The following ANKRD27 variants were observed in gnomAD, a reference collection of about 807,000 sequenced individuals.
The protein encoded by ANKRD27 is ankyrin repeat domain-containing protein 27.
Under a neutral mutation model 129.7 loss-of-function variants are expected in ANKRD27, and 112 were observed. That is an observed-to-expected ratio of 0.86 (90% CI 0.74 to 1.01). ANKRD27 has a LOEUF of 1.01. Ranked by LOEUF, ANKRD27 falls within the 50% of genes least tolerant of loss-of-function variation. ANKRD27 has a pLI of 0.00. For synonymous variants in ANKRD27, 516 were observed against 511.2 expected, an observed-to-expected ratio of 1.01 and a Z score of -0.13; for missense variants, 1,258 against 1,300.5, an observed-to-expected ratio of 0.97 and a Z score of 0.50.
intron 2 of ANKRD27, among the ~76,000 whole-genome samples, chr19:32,656,239 T>G (rs1213076939): frequency 6.6e-6 from 1 of 151,996 alleles, no homozygotes; most frequent in African/African-American, 2.4e-5. Context: ...TATGCCACAG[T>G]GTGACAGTTC....
chr19:32,648,533 G>A (rs1426748737), intron 3 of ANKRD27, among the ~76,000 whole-genome samples: 1 of 152,264 alleles, frequency 6.6e-6, no homozygotes, highest in Non-Finnish European at 1.5e-5. Flanking sequence ...AGGCGCGGTG[G>A]CGCACGCCTG....
In ANKRD27 at chr19:32,646,212, G is replaced by A. The variant is rs578212604; in HGVS notation, c.370+247C>T. Among the ~76,000 whole-genome samples, 38 of 152,230 alleles carry A rather than the reference G, an allele frequency of 2.5e-4. 1 individual carries two copies. The highest frequency in any genetic ancestry group is 1.7e-3 in the South Asian group (8 of 4,826). On this transcript the variant is annotated intron_variant, in intron 4 of 28. Coordinates refer to ENST00000306065, the MANE Select transcript of ANKRD27 (RefSeq NM_032139.3). ...CTCCCAAAGTGCTGGGATTACAGGC[G>A]TGAGCCACTGCGCCCGGCTTGATTT... is the stretch of plus-strand genomic sequence containing the variant.
chr19:32,611,607 G>A (rs892346593), intron 22 of ANKRD27, among the ~76,000 whole-genome samples: 22 of 152,220 alleles, frequency 1.4e-4, no homozygotes, highest in Middle Eastern at 3.4e-3. Flanking sequence ...TTGAGATGGA[G>A]TTTCACTCTT....
intron 1 of ANKRD27, among the ~76,000 whole-genome samples, chr19:32,665,767 T>C (rs1215145515): frequency 6.6e-6 from 1 of 151,224 alleles, no homozygotes; most frequent in Non-Finnish European, 1.5e-5. Flanking sequence ...CCTGCCGTTT[T>C]TTTTGTTTTT....
chr19:32,624,215 A>G (rs566031038), intron 17 of ANKRD27, among the ~76,000 whole-genome samples: 5 of 152,130 alleles, frequency 3.3e-5, no homozygotes, highest in African/African-American at 1.2e-4. Context: ...AAAAATACAA[A>G]AATTAGCTGG....
intron 26 of ANKRD27, among the ~76,000 whole-genome samples, chr19:32,601,262 C>T (rs1247110131): frequency 6.6e-6 from 1 of 151,640 alleles, no homozygotes; most frequent in East Asian, 1.9e-4. Flanking sequence ...TGCACCACTG[C>T]GCTCCAGCCT....
chr19:32,641,134 C>T (rs1967192830), intron 10 of ANKRD27, among the ~76,000 whole-genome samples: 1 of 151,844 alleles, frequency 6.6e-6, no homozygotes. Context: ...ATCTCCTGAC[C>T]TCGTGATCTG....
intron 3 of ANKRD27, 140 bp from the exon 4 acceptor site, chr19:32,646,755 G>A: frequency 6.0e-6 from 5 of 831,902 alleles, no homozygotes; most frequent in Admixed American, 2.9e-5. Context: ...ATACTCTCCT[G>A]TTTTGCTCAT....
At chr19:32,669,800 C>G (rs1967831167) in intron 1 of ANKRD27, among the ~76,000 whole-genome samples, 1 of 152,004 alleles carries the variant, frequency 6.6e-6, no homozygotes. Context: ...AGTTCAAGAC[C>G]ACCCTGGCCA....
chr19:32,615,267 C>T (rs980458500), intron 22 of ANKRD27, among the ~76,000 whole-genome samples: 2 of 152,128 alleles, frequency 1.3e-5, no homozygotes, highest in African/African-American at 2.4e-5. Context: ...GCTGAGAAAT[C>T]GAGAACTTTC....
At position 32,673,412 on chromosome 19, in the gene ANKRD27, C is replaced by T. The variant is rs1217725085; in HGVS notation, c.-31+1659G>A. 17 of 985,204 alleles carry T rather than the reference C, an allele frequency of 1.7e-5. No homozygotes were observed. In the Admixed American group the frequency reaches 2.5e-4, roughly 14 times the overall value. The allele number at this position is 985,204 out of a possible 1,614,324, so 61.0% of individuals were successfully genotyped here. A position where few individuals can be genotyped will look rare whatever the true frequency, so the allele number is the denominator to read the frequency against. On this transcript the variant is annotated intron_variant, in intron 1 of 28. Transcript: ENST00000306065. ...CCTGTCCACCAGCAACACAACAAAG[C>T]GATCTTTCCAGCGCCGAGCTCTGCA...
At chr19:32,619,223 G>A in intron 20 of ANKRD27, 37 bp downstream of exon 20, 2 of 1,595,924 alleles carry the variant, frequency 1.3e-6, no homozygotes, top group East Asian at 4.5e-5. Flanking sequence ...GGGCCGCCAA[G>A]GCCTCCCCTC....
intron 22 of ANKRD27, chr19:32,608,518 A>C (rs1274453907): frequency 3.2e-5 from 7 of 221,446 alleles, no homozygotes; most frequent in African/African-American, 1.1e-4. Flanking sequence ...AAAAAAAAAA[A>C]CTGTATGCTA....
chr19:32,604,510 A>G, intron 24 of ANKRD27, 86 bp from the exon 25 acceptor site: 1 of 1,303,760 alleles, frequency 7.7e-7, no homozygotes, highest in Non-Finnish European at 1.0e-6. Flanking sequence ...ATTCGCTATA[A>G]AACACATTGT....
intron 17 of ANKRD27, among the ~76,000 whole-genome samples, chr19:32,624,788 A>G (rs1401860983): frequency 6.6e-6 from 1 of 151,838 alleles, no homozygotes; most frequent in Non-Finnish European, 1.5e-5. Context: ...AAAAATATAA[A>G]AATTAGCCAG....
chr19:32,631,730 A>G (rs1180121637), intron 12 of ANKRD27, among the ~76,000 whole-genome samples: 1 of 152,088 alleles, frequency 6.6e-6, no homozygotes, highest in Admixed American at 6.6e-5. Flanking sequence ...TGGTGGCGGC[A>G]CCCTGACTGC....
rs1967731253 is a variant in ANKRD27 at position 32,665,357 on chromosome 19, T to C, written c.-30-6312A>G. Among the ~76,000 whole-genome samples the C allele has an allele frequency of 2.7e-5, 4 of 150,802 alleles. No individual in the cohort carries two copies. In the South Asian group the frequency reaches 8.4e-4, roughly 32 times the overall value. On this transcript the variant is annotated intron_variant, in intron 1 of 28. Transcript: ENST00000306065. ...CACACTAAAGTGCAGTGGCACAATC[T>C]CAGCTCACTGCAACCTTTGCCTCCC...
intron 12 of ANKRD27, among the ~76,000 whole-genome samples, chr19:32,634,177 G>A (rs1483332614): frequency 3.3e-5 from 5 of 152,190 alleles, no homozygotes; most frequent in Non-Finnish European, 7.3e-5. Context: ...CTTCTGCTGT[G>A]AGGAGATACA....
At chr19:32,598,731 C>G (rs1265463119) in intron 28 of ANKRD27, among the ~76,000 whole-genome samples, 1 of 151,796 alleles carries the variant, frequency 6.6e-6, no homozygotes, top group Admixed American at 6.6e-5. Flanking sequence ...AGGCAGATTT[C>G]AACGATTCTG....
Sources: allele counts gnomAD v4.1 joint callset (sites outside exome capture counted in the v4.1 genomes callset), GRCh38; gene constraint gnomAD v4.1.1; transcripts MANE v1.5; gene names NCBI Gene and HGNC (gene_info 2026-07-23, HGNC 2026-07-21).